LYPLAL1: variants seen among roughly 807,000 people sequenced by gnomAD.
LYPLAL1 encodes lysophospholipase like 1, also known as lysophospholipase-like protein 1.
Under a neutral mutation model 19.7 loss-of-function variants are expected in LYPLAL1, and 23 were observed. That is an observed-to-expected ratio of 1.17 (90% CI 0.84 to 1.65). The LOEUF (loss-of-function observed/expected upper bound fraction) is 1.65, where lower values mean the gene tolerates loss of function less well. Among genes scored for constraint, LYPLAL1 ranks in the 40% most tolerant of loss-of-function variants. The pLI is 0.00. For synonymous variants in LYPLAL1, 119 were observed against 96.3 expected (o/e 1.24, Z -1.38); for missense variants, 355 against 279.4 (o/e 1.27, Z -1.93).
At chr1:219,366,432 G>A in the LYPLAL1 span, among the ~76,000 whole-genome samples, 30 of 152,236 alleles carry the variant, frequency 2.0e-4, no homozygotes, top group Non-Finnish European at 1.3e-4. Context: ...AAAACACTCC[G>A]AATTCTAAGT....
chr1:219,239,092 C>T, the LYPLAL1 span, among the ~76,000 whole-genome samples: 1 of 152,156 alleles, frequency 6.6e-6, no homozygotes, highest in Non-Finnish European at 1.5e-5. Context: ...CCCCTCCTAT[C>T]CCTCTCCTTT....
At chr1:219,174,158 C>T in intron 1 of LYPLAL1, 177 bp downstream of exon 1, 3 of 1,437,276 alleles carry the variant, frequency 2.1e-6, no homozygotes, top group Non-Finnish European at 2.7e-6. Context: ...CCCAGCCTCC[C>T]CCGTTAGTCT....
chr1:219,284,896 T>C, the LYPLAL1 span, among the ~76,000 whole-genome samples: 1 of 152,218 alleles, frequency 6.6e-6, no homozygotes, highest in African/African-American at 2.4e-5. Context: ...GATTGAATCC[T>C]CTATAAAGAA....
the LYPLAL1 span, among the ~76,000 whole-genome samples, chr1:219,263,696 G>C: frequency 6.6e-6 from 1 of 152,152 alleles, no homozygotes; most frequent in Non-Finnish European, 1.5e-5. Context: ...ACCTGGGAGT[G>C]CCTACAGGGC....
chr1:219,176,922 A>T (rs80144750), intron 1 of LYPLAL1, among the ~76,000 whole-genome samples: 1 of 152,224 alleles, frequency 6.6e-6, no homozygotes, highest in African/African-American at 2.4e-5. Flanking sequence ...AAAACAAATC[A>T]CTGCTCTCAT....
At chr1:219,316,884 G>T in the LYPLAL1 span, among the ~76,000 whole-genome samples, 2 of 152,094 alleles carry the variant, frequency 1.3e-5, no homozygotes, top group Admixed American at 1.3e-4. Context: ...ATCATTAGGG[G>T]CTGGGGGGAG....
At chr1:219,328,506 G>C in the LYPLAL1 span, among the ~76,000 whole-genome samples, 1 of 151,898 alleles carries the variant, frequency 6.6e-6, no homozygotes, top group Non-Finnish European at 1.5e-5. Flanking sequence ...CATTAATACT[G>C]GCCAGTTGTG....
the LYPLAL1 span, among the ~76,000 whole-genome samples, chr1:219,257,666 A>G: frequency 6.6e-6 from 1 of 152,062 alleles, no homozygotes; most frequent in Non-Finnish European, 1.5e-5. Flanking sequence ...ATTGCAAGGC[A>G]AAGGGCAAAT....
chr1:219,306,869 C>CAGACAGACAGAT, the LYPLAL1 span, among the ~76,000 whole-genome samples: 1 of 143,798 alleles, frequency 7.0e-6, no homozygotes, highest in African/African-American at 2.5e-5. Flanking sequence ...GACAGACAGA[C>CAGACAGACAGAT]AGATAGATAG....
chr1:219,287,622 CTCAT>C, the LYPLAL1 span, among the ~76,000 whole-genome samples: 1 of 152,188 alleles, frequency 6.6e-6, no homozygotes, highest in Non-Finnish European at 1.5e-5. Context: ...AACAGGAAGT[CTCAT>C]TCGTCACTGG....
chr1:219,284,572 A>T, the LYPLAL1 span, among the ~76,000 whole-genome samples: 94 of 152,358 alleles, frequency 6.2e-4, no homozygotes, highest in Non-Finnish European at 9.0e-4. Flanking sequence ...ATAGTAAATT[A>T]AAAAAAGAAA....
chr1:219,186,457 C>T (rs1176526156), intron 2 of LYPLAL1, among the ~76,000 whole-genome samples: 1 of 151,698 alleles, frequency 6.6e-6, no homozygotes, highest in Non-Finnish European at 1.5e-5. Context: ...CTGTTTCTCC[C>T]TTTAGTTCTG....
the LYPLAL1 span, among the ~76,000 whole-genome samples, chr1:219,274,025 G>C: frequency 1.7e-4 from 26 of 152,320 alleles, no homozygotes; most frequent in East Asian, 3.9e-3. Context: ...CTCCCAAAGT[G>C]CCGGGATCAC....
chr1:219,308,703 T>C, the LYPLAL1 span, among the ~76,000 whole-genome samples: 48,960 of 152,068 alleles, frequency 0.32, 8,328 homozygotes, highest in East Asian at 0.6. Context: ...AAGTCAAGAA[T>C]TGGGTTTTGG....
the LYPLAL1 span, among the ~76,000 whole-genome samples, chr1:219,319,124 G>GCAAA: frequency 6.6e-6 from 1 of 152,142 alleles, no homozygotes; most frequent in South Asian, 2.1e-4. Context: ...AAACTAAAAA[G>GCAAA]CAAACAGTAA....
the LYPLAL1 span, among the ~76,000 whole-genome samples, chr1:219,283,748 A>G: frequency 4.6e-5 from 7 of 152,196 alleles, no homozygotes; most frequent in Non-Finnish European, 1.0e-4. Flanking sequence ...GCCATTTTTA[A>G]CTAAAAAGAT....
the LYPLAL1 span, among the ~76,000 whole-genome samples, chr1:219,403,763 CCTCAATCTGAGATTTCT>C: frequency 2.0e-5 from 3 of 152,120 alleles, no homozygotes; most frequent in Admixed American, 1.3e-4. Flanking sequence ...AATTTAAGAA[CCTCAATCTGAGATTTCT>C]CATCCATGCA....
the LYPLAL1 span, among the ~76,000 whole-genome samples, chr1:219,441,664 G>A: frequency 1.5e-3 from 224 of 152,304 alleles, 2 homozygotes; most frequent in African/African-American, 4.9e-3. Context: ...AAACACTTTC[G>A]TAAGGAAAAC....
the LYPLAL1 span, among the ~76,000 whole-genome samples, chr1:219,233,182 T>G: frequency 1.3e-5 from 2 of 152,322 alleles, no homozygotes; most frequent in South Asian, 4.1e-4. Flanking sequence ...TTATTCAGCC[T>G]TTAAAATGAA....
Sources: gnomAD v4.1 joint callset for allele counts (sites outside exome capture counted in the v4.1 genomes callset) on GRCh38, gnomAD v4.1.1 for gene constraint, MANE v1.5 for transcripts, NCBI Gene and HGNC (gene_info 2026-07-23, HGNC 2026-07-21) for gene names.